Variants in NRXN3 observed in about 807,000 individuals in gnomAD.
NRXN3 encodes the protein neurexin III.
NRXN3 carries 32 observed loss-of-function variants against 137.6 expected under a neutral mutation model. That is an observed-to-expected ratio of 0.23 (90% CI 0.18 to 0.31). The LOEUF (loss-of-function observed/expected upper bound fraction) is 0.31. Ranked by LOEUF, NRXN3 falls within the 10% of genes least tolerant of loss-of-function variation. NRXN3 has a pLI of 1.00. For synonymous variants in NRXN3, 798 were observed against 784.5 expected, an observed-to-expected ratio of 1.02 and a Z score of -0.29; for missense variants, 1,574 against 2,062.5, an observed-to-expected ratio of 0.76 and a Z score of 4.59.
chr14:79,753,055 A>G (rs1159333962), intron 19 of NRXN3, among the ~76,000 whole-genome samples: 1 of 151,034 alleles, frequency 6.6e-6, no homozygotes, highest in Non-Finnish European at 1.5e-5. Context: ...GCAATCATTA[A>G]AAAGTCAGGA....
At chr14:78,902,508 GA>G (rs2099199942) in intron 10 of NRXN3, among the ~76,000 whole-genome samples, 2 of 152,020 alleles carry the variant, frequency 1.3e-5, no homozygotes, top group Admixed American at 1.3e-4. Flanking sequence ...TGCTTGAGGA[GA>G]AATAAAAGCA....
chr14:78,257,372 G>C (rs1440146214), intron 2 of NRXN3, among the ~76,000 whole-genome samples: 11 of 152,364 alleles, frequency 7.2e-5, no homozygotes, highest in South Asian at 2.1e-4. Flanking sequence ...TTATGGTCTA[G>C]TTGGGAAGCT....
At chr14:79,488,717 G>T (rs945967177) in intron 16 of NRXN3, among the ~76,000 whole-genome samples, 1 of 152,140 alleles carries the variant, frequency 6.6e-6, no homozygotes, top group Non-Finnish European at 1.5e-5. Context: ...GGAAATTAAA[G>T]AAAATTCATA....
intron 6 of NRXN3, among the ~76,000 whole-genome samples, chr14:78,700,830 C>G (rs1488072877): frequency 6.6e-6 from 1 of 152,048 alleles, no homozygotes; most frequent in Non-Finnish European, 1.5e-5. Flanking sequence ...CTCTGTCACC[C>G]AGGCTGGAAT....
chr14:78,263,767 C>T (rs1368591804), intron 2 of NRXN3, among the ~76,000 whole-genome samples: 1 of 152,102 alleles, frequency 6.6e-6, no homozygotes, highest in Admixed American at 6.5e-5. Flanking sequence ...TTTCTCACAT[C>T]AGATTTGCAG....
At chr14:78,821,263 G>A (rs2098949915) in intron 10 of NRXN3, among the ~76,000 whole-genome samples, 1 of 152,166 alleles carries the variant, frequency 6.6e-6, no homozygotes, top group South Asian at 2.1e-4. Context: ...TTATCCACAA[G>A]TGCGGGCAGG....
chr14:78,458,724 T>G (rs2094829274), intron 4 of NRXN3, among the ~76,000 whole-genome samples: 1 of 152,238 alleles, frequency 6.6e-6, no homozygotes, highest in Non-Finnish European at 1.5e-5. Context: ...AGCTATTAAC[T>G]TAGAGAGGCT....
chr14:79,375,235 G>GTTTT (rs35994648), intron 15 of NRXN3, among the ~76,000 whole-genome samples: 1 of 129,968 alleles, frequency 7.7e-6, no homozygotes, highest in Non-Finnish European at 1.6e-5. Flanking sequence ...GAGTTTTTGT[G>GTTTT]TTTTTTTTTT....
chr14:79,794,847 A>G (rs944675722), intron 19 of NRXN3, among the ~76,000 whole-genome samples: 9 of 152,230 alleles, frequency 5.9e-5, no homozygotes, highest in African/African-American at 2.2e-4. Flanking sequence ...GGAACACTAT[A>G]TGAGGATGAG....
chr14:78,603,764 G>A (rs2097221324), intron 4 of NRXN3, among the ~76,000 whole-genome samples: 2 of 152,158 alleles, frequency 1.3e-5, no homozygotes. Context: ...TGGATGGACA[G>A]TGTCAAGGAT....
At chr14:78,824,695 A>G (rs755928656) in intron 10 of NRXN3, among the ~76,000 whole-genome samples, 9 of 152,216 alleles carry the variant, frequency 5.9e-5, no homozygotes, top group Non-Finnish European at 1.3e-4. Context: ...AAATACTACA[A>G]TATCAGAAGG....
At chr14:78,902,736 G>C (rs986076297) in intron 10 of NRXN3, among the ~76,000 whole-genome samples, 4 of 151,988 alleles carry the variant, frequency 2.6e-5, no homozygotes, top group African/African-American at 9.6e-5. Flanking sequence ...ACTGAGTCCA[G>C]AGCCAACCCT....
At chr14:78,619,468 G>T (rs764379953) in intron 4 of NRXN3, among the ~76,000 whole-genome samples, 2 of 152,022 alleles carry the variant, frequency 1.3e-5, no homozygotes, top group Non-Finnish European at 2.9e-5. Context: ...GCTCGATATG[G>T]TTAAGCTTTG....
intron 19 of NRXN3, among the ~76,000 whole-genome samples, chr14:79,773,623 T>A (rs1169021132): frequency 9.6e-6 from 1 of 104,354 alleles, no homozygotes; most frequent in Non-Finnish European, 1.8e-5. Context: ...CTCTGGGGAC[T>A]GTTTTGGGGT....
intron 4 of NRXN3, among the ~76,000 whole-genome samples, chr14:78,634,693 T>C (rs2097551672): frequency 6.6e-6 from 1 of 152,222 alleles, no homozygotes; most frequent in African/African-American, 2.4e-5. Flanking sequence ...AATACCTTCC[T>C]GGTTCCATTT....
chr14:79,703,980 A>G (rs1459114327), intron 19 of NRXN3, among the ~76,000 whole-genome samples: 1 of 151,978 alleles, frequency 6.6e-6, no homozygotes, highest in Non-Finnish European at 1.5e-5. Context: ...CCCAGGAACA[A>G]TTTTGTTTAT....
At chr14:78,331,765 T>G (rs2080847742) in intron 4 of NRXN3, among the ~76,000 whole-genome samples, 1 of 152,142 alleles carries the variant, frequency 6.6e-6, no homozygotes, top group Non-Finnish European at 1.5e-5. Flanking sequence ...CTGGGGAGTG[T>G]GCAGAGGGTA....
At chr14:79,705,721 C>T (rs1054662347) in intron 19 of NRXN3, among the ~76,000 whole-genome samples, 3 of 152,058 alleles carry the variant, frequency 2.0e-5, no homozygotes, top group South Asian at 4.2e-4. Flanking sequence ...CCCAGGTTTC[C>T]GCTTATATTG....
intron 15 of NRXN3, among the ~76,000 whole-genome samples, chr14:79,232,572 G>C (rs927889141): frequency 1.3e-5 from 2 of 152,052 alleles, no homozygotes; most frequent in African/African-American, 4.8e-5. Context: ...CTACAATTCG[G>C]TTACAGGTTG....
Sources: allele counts gnomAD v4.1 joint callset (sites outside exome capture counted in the v4.1 genomes callset), GRCh38; gene constraint gnomAD v4.1.1; transcripts MANE v1.5; gene names NCBI Gene and HGNC (gene_info 2026-07-23, HGNC 2026-07-21).